The following NLGN1 variants were observed in gnomAD, a reference collection of about 807,000 sequenced individuals.
The protein encoded by NLGN1 is neuroligin 1.
A neutral mutation model predicts 65.5 loss-of-function variants in NLGN1; 12 were observed. The ratio of observed to expected loss-of-function variants is 0.18; its 90% CI spans 0.12 to 0.30. The LOEUF is 0.30. NLGN1 is among the 10% of genes least tolerant of loss of function. The pLI, the probability that NLGN1 is intolerant of heterozygous loss-of-function variation, is 1.00. For synonymous variants in NLGN1, 350 were observed against 359.5 expected (o/e 0.97, Z 0.30); for missense variants, 750 against 1,007.1 (o/e 0.74, Z 3.46).
intron 3 of NLGN1, among the ~76,000 whole-genome samples, chr3:173,606,546 C>T (rs1751438656): frequency 6.6e-6 from 1 of 152,024 alleles, no homozygotes; most frequent in Admixed American, 6.6e-5. Context: ...TTCTAATATC[C>T]TGGCTGGACC....
At chr3:173,713,821 G>C (rs1280456793) in intron 3 of NLGN1, among the ~76,000 whole-genome samples, 2 of 152,164 alleles carry the variant, frequency 1.3e-5, no homozygotes, top group Non-Finnish European at 2.9e-5. Context: ...ACATTCCTTA[G>C]CTTACTTTCT....
chr3:173,604,329 G>T, exon 3 of NLGN1: 1 of 430,300 alleles, frequency 2.3e-6, no homozygotes, highest in Non-Finnish European at 4.2e-6. Context: ...GAAATCTGCA[G>T]TCAATGCCCA....
intron 2 of NLGN1, among the ~76,000 whole-genome samples, chr3:173,564,040 TC>T (rs1426863022): frequency 6.6e-6 from 1 of 152,224 alleles, no homozygotes; most frequent in African/African-American, 2.4e-5. Context: ...TTACTACCTG[TC>T]AGTGCCGTCT....
chr3:174,275,004 T>C (rs970376410), intron 4 of NLGN1, among the ~76,000 whole-genome samples: 1 of 151,854 alleles, frequency 6.6e-6, no homozygotes, highest in African/African-American at 2.4e-5. Flanking sequence ...ATGTCTCCAC[T>C]GAGTAGCTTG....
At chr3:174,159,906 T>A (rs1348240678) in intron 4 of NLGN1, among the ~76,000 whole-genome samples, 1 of 151,808 alleles carries the variant, frequency 6.6e-6, no homozygotes, top group Non-Finnish European at 1.5e-5. Context: ...GATTTCATTC[T>A]CTTAGTTGCA....
At chr3:174,285,024 TAAC>T (rs1483132784) in exon 7 of NLGN1, 3 of 151,380 alleles carry the variant, frequency 2.0e-5, no homozygotes, top group African/African-American at 4.8e-5. Flanking sequence ...GTTACATCTG[TAAC>T]AACAGTTATT....
At chr3:174,151,955 A>G (rs994351981) in intron 4 of NLGN1, among the ~76,000 whole-genome samples, 1 of 152,128 alleles carries the variant, frequency 6.6e-6, no homozygotes, top group African/African-American at 2.4e-5. Flanking sequence ...CAATTTTTGA[A>G]CCTCATAATG....
At chr3:173,777,228 G>T (rs1256878892) in intron 3 of NLGN1, among the ~76,000 whole-genome samples, 1 of 151,880 alleles carries the variant, frequency 6.6e-6, no homozygotes, top group Admixed American at 6.6e-5. Context: ...TAATGGGTAA[G>T]TGTTAGCTTT....
chr3:173,828,945 T>C (rs1317099864), intron 4 of NLGN1, among the ~76,000 whole-genome samples: 1 of 152,050 alleles, frequency 6.6e-6, no homozygotes, highest in Non-Finnish European at 1.5e-5. Flanking sequence ...GGGATTAATT[T>C]GGAAAGGCAC....
At chr3:174,088,702 G>C (rs889965743) in intron 4 of NLGN1, among the ~76,000 whole-genome samples, 1 of 151,244 alleles carries the variant, frequency 6.6e-6, no homozygotes, top group African/African-American at 2.4e-5. Context: ...GCAGTGAGCC[G>C]AGATCGCGCC....
At chr3:173,678,800 G>A (rs1165252484) in intron 3 of NLGN1, among the ~76,000 whole-genome samples, 1 of 152,064 alleles carries the variant, frequency 6.6e-6, no homozygotes, top group African/African-American at 2.4e-5. Flanking sequence ...TAGTTAAGAG[G>A]CCACAGATCT....
rs66827074 is a variant in NLGN1 at position 173,584,399 on chromosome 3, A to ATTTTTTTTTTTTTTTT, written c.-320-19862_-320-19847dup. Among the ~76,000 whole-genome samples, 3 of 30,820 alleles carry ATTTTTTTTTTTTTTTT rather than the reference A, an allele frequency of 9.7e-5. 1 individual carries two copies. Among genetic ancestry groups the ATTTTTTTTTTTTTTTT allele is most frequent in the East Asian group, 2.7e-3 (2 of 728 alleles). The allele number at this position is 30,820 out of a possible 152,430, so 20.2% of individuals were successfully genotyped here. A position where few individuals can be genotyped will look rare whatever the true frequency, so the allele number is the denominator to read the frequency against. ...TTAGGGTAAAACCAGGGTCCTCGGC[A>ATTTTTTTTTTTTTTTT]TTTTTTTTTTTTTTTTTTTTTTTTT... On this transcript the variant is annotated intron_variant, in intron 2 of 6. Coordinates refer to ENST00000457714, the Ensembl canonical transcript of NLGN1.
chr3:173,483,972 C>G (rs1727737947), intron 2 of NLGN1, among the ~76,000 whole-genome samples: 2 of 152,008 alleles, frequency 1.3e-5, no homozygotes, highest in Non-Finnish European at 2.9e-5. Context: ...TCATTTCTCC[C>G]AATTATTTCT....
chr3:173,893,942 C>T (rs768060784), intron 4 of NLGN1, among the ~76,000 whole-genome samples: 1 of 152,166 alleles, frequency 6.6e-6, no homozygotes, highest in Non-Finnish European at 1.5e-5. Context: ...TCCCATTCAC[C>T]TCTTCATGCC....
chr3:174,241,859 C>T (rs902028217), intron 4 of NLGN1, among the ~76,000 whole-genome samples: 20 of 151,954 alleles, frequency 1.3e-4, no homozygotes, highest in Non-Finnish European at 2.9e-5. Flanking sequence ...GGGGTTTCAC[C>T]GTGTTAGCCA....
At chr3:174,112,401 C>T (rs563974108) in intron 4 of NLGN1, among the ~76,000 whole-genome samples, 42 of 151,882 alleles carry the variant, frequency 2.8e-4, no homozygotes, top group Non-Finnish European at 5.2e-4. Flanking sequence ...AAATTGACAA[C>T]ATAGAGTTTG....
At chr3:173,628,245 G>A (rs1755113364) in intron 3 of NLGN1, among the ~76,000 whole-genome samples, 1 of 152,142 alleles carries the variant, frequency 6.6e-6, no homozygotes, top group East Asian at 1.9e-4. Context: ...ATAGGTATGA[G>A]AATGTCATTT....
chr3:174,123,057 A>G (rs987766863), intron 4 of NLGN1, among the ~76,000 whole-genome samples: 5 of 152,072 alleles, frequency 3.3e-5, no homozygotes, highest in Admixed American at 3.3e-4. Context: ...GTCAAATGCT[A>G]TCAGTTATGC....
chr3:173,932,744 T>C (rs1028199014), intron 4 of NLGN1, among the ~76,000 whole-genome samples: 7 of 152,124 alleles, frequency 4.6e-5, no homozygotes, highest in South Asian at 2.1e-4. Flanking sequence ...CTAAAGAGAA[T>C]TAAAGTGTTC....
Sources: gnomAD v4.1 joint callset for allele counts (sites outside exome capture counted in the v4.1 genomes callset) on GRCh38, gnomAD v4.1.1 for gene constraint, MANE v1.5 for transcripts, NCBI Gene and HGNC (gene_info 2026-07-23, HGNC 2026-07-21) for gene names.